The following FAR2 variants were observed in gnomAD, a reference collection of about 807,000 sequenced individuals.
FAR2 encodes the protein epididymis secretory protein Li 81.
In FAR2, 19 loss-of-function variants were observed where a neutral mutation model predicts 56.0. That is an observed-to-expected ratio of 0.34 (90% CI 0.24 to 0.50). The LOEUF is 0.50. Ranked by LOEUF, FAR2 falls within the 20% of genes least tolerant of loss-of-function variation. The probability of loss-of-function intolerance (pLI) is 0.98; values close to 1 mark genes in which losing one functional copy is unlikely to be tolerated. For missense variants in FAR2, 508 were observed against 642.2 expected, an observed-to-expected ratio of 0.79 and a Z score of 2.26; for synonymous variants, 219 against 218.8, an observed-to-expected ratio of 1.00 and a Z score of -0.01.
intron 1 of FAR2, among the ~76,000 whole-genome samples, chr12:29,168,240 C>G (rs561947574): frequency 6.6e-6 from 1 of 152,148 alleles, no homozygotes; most frequent in East Asian, 1.9e-4. Flanking sequence ...ATTAGATGAA[C>G]CTTTGCCTTT....
intron 1 of FAR2, among the ~76,000 whole-genome samples, chr12:29,171,097 G>A (rs1949881113): frequency 1.3e-5 from 2 of 152,250 alleles, no homozygotes; most frequent in Non-Finnish European, 1.5e-5. Flanking sequence ...GCTGTTCCAG[G>A]ATTCCTCAGA....
In FAR2 at chr12:29,258,055, T is replaced by G. The variant is rs183292316; in HGVS notation, c.-38-12357T>G. 2.0e-5 allele frequency among the ~76,000 whole-genome samples: 3 copies of G among 152,034 alleles called. No individual in the cohort carries two copies. In the East Asian group the frequency reaches 5.8e-4, roughly 30 times the overall value. Reference sequence around the variant, plus strand: ...CTCCAATCTTTTCCACCGATAAAAATCACAGGGGCTGGGCACAGTGGCTCA... The same window carrying G: ...CTCCAATCTTTTCCACCGATAAAAAGCACAGGGGCTGGGCACAGTGGCTCA... On this transcript the variant is annotated intron_variant, in intron 1 of 11. Coordinates refer to ENST00000536681, the MANE Select transcript of FAR2 (RefSeq NM_001271783.2).
At chr12:29,263,525 A>G (rs750479960) in intron 1 of FAR2, among the ~76,000 whole-genome samples, 3 of 152,052 alleles carry the variant, frequency 2.0e-5, no homozygotes, top group African/African-American at 4.8e-5. Flanking sequence ...ACACATAGAA[A>G]TTAAACAATA....
At chr12:29,294,847 G>A (rs1365003307) in intron 3 of FAR2, among the ~76,000 whole-genome samples, 2 of 151,992 alleles carry the variant, frequency 1.3e-5, no homozygotes, top group African/African-American at 4.8e-5. Flanking sequence ...GAAGAGTGAT[G>A]CAGATGTGAA....
rs755917263 is a variant in FAR2, at chr12:29,297,003, CT to C, written c.366-17del. The C allele has an allele frequency of 1.3e-6, 2 of 1,571,730 alleles. No individual in the cohort carries two copies. Among genetic ancestry groups the C allele is most frequent in the Non-Finnish European group, 1.7e-6 (2 of 1,161,498 alleles). Reference sequence around the variant, plus strand: ...CTGACTTACTTCATTGTATTTCCTTCTGCTTAATCTTCTCTAGACATGCTGT... The same window carrying C: ...CTGACTTACTTCATTGTATTTCCTTCGCTTAATCTTCTCTAGACATGCTGT... On this transcript the variant is annotated splice_polypyrimidine_tract_variant and intron_variant, in intron 3 of 11. Coordinates refer to ENST00000536681, the MANE Select transcript of FAR2 (RefSeq NM_001271783.2).
At chr12:29,177,599 A>T (rs1244948245) in intron 1 of FAR2, among the ~76,000 whole-genome samples, 1 of 152,118 alleles carries the variant, frequency 6.6e-6, no homozygotes, top group Non-Finnish European at 1.5e-5. Context: ...AATGATAAAA[A>T]TGGGTAGTGG....
chr12:29,306,648 G>T (rs1387606735), intron 4 of FAR2, among the ~76,000 whole-genome samples: 1 of 152,222 alleles, frequency 6.6e-6, no homozygotes, highest in African/African-American at 2.4e-5. Flanking sequence ...TCAGCTAGAA[G>T]AATGTTAAAT....
At chr12:29,321,507 G>C (rs1046907351) in intron 9 of FAR2, among the ~76,000 whole-genome samples, 18 of 152,192 alleles carry the variant, frequency 1.2e-4, no homozygotes, top group Non-Finnish European at 2.5e-4. Context: ...AAGCTGAATA[G>C]TTGGCTCACT....
chr12:29,322,928 C>T (rs1949576663), intron 10 of FAR2, among the ~76,000 whole-genome samples: 1 of 152,214 alleles, frequency 6.6e-6, no homozygotes, highest in Non-Finnish European at 1.5e-5. Context: ...GCACGGTGCA[C>T]TTCACCCACT....
intron 2 of FAR2, among the ~76,000 whole-genome samples, chr12:29,285,500 A>G (rs560789795): frequency 5.1e-4 from 77 of 152,008 alleles, no homozygotes; most frequent in Non-Finnish European, 8.8e-4. Flanking sequence ...AGGATGTTCA[A>G]CCTCTCCCCT....
At chr12:29,190,420 G>A (rs1950092966) in intron 1 of FAR2, among the ~76,000 whole-genome samples, 1 of 151,770 alleles carries the variant, frequency 6.6e-6, no homozygotes, top group African/African-American at 2.4e-5. Context: ...TCACTTCTCT[G>A]CTAGAGTTCA....
intron 8 of FAR2, 140 bp downstream of exon 8, chr12:29,312,090 T>A: frequency 1.7e-6 from 1 of 593,292 alleles, no homozygotes; most frequent in Non-Finnish European, 3.0e-6. Context: ...TGAGAAATTG[T>A]AAATGTGTGA....
At chr12:29,206,477 C>A (rs968201724) in intron 1 of FAR2, among the ~76,000 whole-genome samples, 1 of 152,208 alleles carries the variant, frequency 6.6e-6, no homozygotes, top group Non-Finnish European at 1.5e-5. Flanking sequence ...GGGCACACAA[C>A]TTTCCCACAA....
chr12:29,189,633 A>C (rs76850093), intron 1 of FAR2, among the ~76,000 whole-genome samples: 6,034 of 152,262 alleles, frequency 0.04, 358 homozygotes, highest in African/African-American at 0.13. Context: ...TGAACTAACC[A>C]ATATATATAC....
chr12:29,264,961 T>C (rs1272841643), intron 1 of FAR2, among the ~76,000 whole-genome samples: 3 of 152,014 alleles, frequency 2.0e-5, no homozygotes, highest in African/African-American at 7.2e-5. Flanking sequence ...ACCTACAAAT[T>C]AACCAATGAA....
intron 1 of FAR2, among the ~76,000 whole-genome samples, chr12:29,211,574 A>C (rs1591855292): frequency 1.3e-5 from 2 of 152,110 alleles, no homozygotes; most frequent in Admixed American, 1.3e-4. Context: ...TTCTGCTCCT[A>C]TTGCAGTAGT....
chr12:29,288,751 T>C (rs1036748802), intron 2 of FAR2, among the ~76,000 whole-genome samples: 4 of 152,174 alleles, frequency 2.6e-5, no homozygotes, highest in African/African-American at 4.8e-5. Flanking sequence ...CTCATCACAG[T>C]CATACAAACT....
chr12:29,200,155 A>G (rs1205131635), intron 1 of FAR2, among the ~76,000 whole-genome samples: 1 of 152,230 alleles, frequency 6.6e-6, no homozygotes, highest in Non-Finnish European at 1.5e-5. Flanking sequence ...TCTAGGCCAT[A>G]TGGTGCCTTT....
In FAR2 at chr12:29,184,808, A is replaced by T. The variant is rs183683391; in HGVS notation, c.-39+35401A>T. On this transcript the variant is annotated intron_variant, in intron 1 of 11. Coordinates refer to ENST00000536681, the MANE Select transcript of FAR2 (RefSeq NM_001271783.2). ...GTAGCATATTCTGGTGTCTCACCCC[A>T]ACCCTCAAAATTTGTGAGGCTTAGT... 6.6e-5 allele frequency among the ~76,000 whole-genome samples: 10 copies of T among 152,296 alleles called. No individual in the cohort carries two copies. The East Asian group carries it at 1.7e-3, about 26-fold the overall frequency.
Sources: gnomAD v4.1 joint callset for allele counts (sites outside exome capture counted in the v4.1 genomes callset) on GRCh38, gnomAD v4.1.1 for gene constraint, MANE v1.5 for transcripts, NCBI Gene and HGNC (gene_info 2026-07-23, HGNC 2026-07-21) for gene names.